OSBPL1A: variants seen among roughly 807,000 people sequenced by gnomAD.
The protein encoded by OSBPL1A is oxysterol-binding protein-related protein 1.
A neutral mutation model predicts 137.1 loss-of-function variants in OSBPL1A; 80 were observed. The observed-to-expected ratio is 0.58, with a 90% CI of 0.49 to 0.70. OSBPL1A has a LOEUF of 0.70. Ranked by LOEUF, OSBPL1A falls within the 30% of genes least tolerant of loss-of-function variation. OSBPL1A has a pLI of 0.00. For synonymous variants in OSBPL1A, 365 were observed against 389.7 expected, an observed-to-expected ratio of 0.94 and a Z score of 0.75; for missense variants, 970 against 1,129.4, an observed-to-expected ratio of 0.86 and a Z score of 2.02.
intron 17 of OSBPL1A, among the ~76,000 whole-genome samples, chr18:24,211,364 A>G (rs1039279251): frequency 1.3e-5 from 2 of 152,228 alleles, no homozygotes; most frequent in African/African-American, 2.4e-5. Flanking sequence ...TTTAAATGTC[A>G]GGATTAAGAA....
At chr18:24,272,165 C>T in intron 15 of OSBPL1A, 1 of 983,774 alleles carries the variant, frequency 1.0e-6, no homozygotes, top group Non-Finnish European at 1.2e-6. Flanking sequence ...GTGAGTGCCG[C>T]GCCGAGGCGC....
Position 24,271,857 on chromosome 18 carries a change from G to A in OSBPL1A, c.1281+8985C>T, listed in dbSNP as rs2089728411. On this transcript the variant is annotated intron_variant, in intron 15 of 27. Coordinates refer to ENST00000319481, the MANE Select transcript of OSBPL1A (RefSeq NM_080597.4). The surrounding 1 kb of genome is among the most constrained non-coding windows in gnomAD (Gnocchi z 4.0). ...CCTTCCCCAGCGAGGTCGGGCAGAGGCGTTGCCCGCCAGCGGCCCAGGACT... is the reference window on the plus strand; with the variant it reads ...CCTTCCCCAGCGAGGTCGGGCAGAGACGTTGCCCGCCAGCGGCCCAGGACT... 1 of 985,204 alleles carries A rather than the reference G, an allele frequency of 1.0e-6. No homozygotes were observed. Among genetic ancestry groups the A allele is most frequent in the Non-Finnish European group, 1.2e-6 (1 of 829,922 alleles). The allele number at this position is 985,204 out of a possible 1,614,324, so 61.0% of individuals were successfully genotyped here. A position where few individuals can be genotyped will look rare whatever the true frequency, so the allele number is the denominator to read the frequency against.
chr18:24,387,959 G>A (rs544041406), intron 1 of OSBPL1A, among the ~76,000 whole-genome samples: 1 of 152,156 alleles, frequency 6.6e-6, no homozygotes, highest in African/African-American at 2.4e-5. Context: ...GGGATGAATC[G>A]ATAGCCAATG....
intron 13 of OSBPL1A, among the ~76,000 whole-genome samples, chr18:24,304,871 C>CT (rs777810713): frequency 6.6e-6 from 1 of 152,148 alleles, no homozygotes; most frequent in Non-Finnish European, 1.5e-5. Context: ...TTTGAGGGCT[C>CT]TAACAACACC....
chr18:24,354,762 AAAAAAAAAAAAG>A (rs981576050), intron 4 of OSBPL1A, among the ~76,000 whole-genome samples: 4 of 151,156 alleles, frequency 2.6e-5, no homozygotes, highest in African/African-American at 9.7e-5. Context: ...AAAAAAAAAA[AAAAAAAAAAAAG>A]AAAGAAAGAA....
chr18:24,387,305 T>A (rs1253559428), intron 1 of OSBPL1A, among the ~76,000 whole-genome samples: 1 of 152,050 alleles, frequency 6.6e-6, no homozygotes. Context: ...TCCACCTGCC[T>A]TGGTCTCCCA....
At chr18:24,177,891 G>T in intron 21 of OSBPL1A, 122 bp downstream of exon 21, 1 of 896,152 alleles carries the variant, frequency 1.1e-6, no homozygotes, top group Non-Finnish European at 1.7e-6. Context: ...TAGACAGTTT[G>T]CACTGTATGA....
chr18:24,376,601 T>C (rs1906162533), intron 2 of OSBPL1A, among the ~76,000 whole-genome samples: 1 of 152,128 alleles, frequency 6.6e-6, no homozygotes, highest in Non-Finnish European at 1.5e-5. Context: ...CCTTGGGTGG[T>C]GGATGGGACT....
intron 14 of OSBPL1A, among the ~76,000 whole-genome samples, chr18:24,297,588 T>C (rs2090316454): frequency 6.6e-6 from 1 of 152,236 alleles, no homozygotes; most frequent in Non-Finnish European, 1.5e-5. Flanking sequence ...TTTGATAACT[T>C]GTGTCACTAC....
chr18:24,346,119 G>C (rs2091341773), intron 4 of OSBPL1A, among the ~76,000 whole-genome samples: 1 of 152,090 alleles, frequency 6.6e-6, no homozygotes, highest in Non-Finnish European at 1.5e-5. Flanking sequence ...CAGCACACGG[G>C]TGAGGGCAAA....
chr18:24,182,326 G>T (rs893111789), intron 18 of OSBPL1A, among the ~76,000 whole-genome samples: 7 of 152,212 alleles, frequency 4.6e-5, no homozygotes, highest in African/African-American at 1.7e-4. Flanking sequence ...ATTCTGGTGA[G>T]ACCTTTACAA....
intron 15 of OSBPL1A, among the ~76,000 whole-genome samples, chr18:24,249,155 G>A (rs1297805680): frequency 6.6e-6 from 1 of 152,118 alleles, no homozygotes. Context: ...CTCATATGAG[G>A]AACTTCCACA....
rs77232958 is a variant in OSBPL1A, at chr18:24,318,783, C to G, written c.652G>C (p.Gly218Arg). Reference protein sequence around the residue: ...NDQKPLDLAQGAEMKHILVGN... With the variant: ...NDQKPLDLAQRAEMKHILVGN... ...ACAAGAATGTGTTTCATTTCAGCAC[C>G]CTGGGCAAGGTCAAGAGGTTTCTGA... Residue 218 changes from glycine to arginine, a missense_variant, in exon 8 of 28, where the codon GGT becomes CGT. Gly to Arg is a moderately radical substitution (Grantham distance 125, BLOSUM62 -2). Transcript: ENST00000319481. The G allele has an allele frequency of 5.0e-6, 8 of 1,613,344 alleles. No individual in the cohort carries two copies. In the South Asian group the frequency reaches 8.8e-5, roughly 18 times the overall value.
chr18:24,367,011 G>A, intron 3 of OSBPL1A, 45 bp from the exon 4 acceptor site: 1 of 1,487,328 alleles, frequency 6.7e-7, no homozygotes, highest in Non-Finnish European at 9.1e-7. Context: ...ATACAATGGT[G>A]AAAATCATTC....
At chr18:24,386,708 C>T (rs1951637969) in intron 1 of OSBPL1A, among the ~76,000 whole-genome samples, 1 of 152,042 alleles carries the variant, frequency 6.6e-6, no homozygotes, top group African/African-American at 2.4e-5. Flanking sequence ...GTTTGTAATC[C>T]CAGCACTTTG....
chr18:24,206,666 A>G (rs1567945054), intron 17 of OSBPL1A, among the ~76,000 whole-genome samples: 1 of 152,178 alleles, frequency 6.6e-6, no homozygotes, highest in Non-Finnish European at 1.5e-5. Context: ...GACTTCGAGC[A>G]TGCTCCTCCA....
At chr18:24,374,126 GAA>G (rs1305407171) in intron 2 of OSBPL1A, among the ~76,000 whole-genome samples, 1 of 152,022 alleles carries the variant, frequency 6.6e-6, no homozygotes, top group African/African-American at 2.4e-5. Flanking sequence ...AGAATGGGGG[GAA>G]ATTTTATACA....
Position 24,312,041 on chromosome 18 carries a change from C to G in OSBPL1A, c.1035G>C (p.Leu345=). Residue 345 remains leucine (L), a synonymous_variant, in exon 13 of 28, where the codon CTG becomes CTC. Transcript: ENST00000319481. ...CCGTATCTTCCTCCTCCTCATCAGT[C>G]AGCTGGTCCTGGGAACAGTAGTGAG... ...YSTHYCSQDQ[L]TDEEEEDTVS... 2 of 1,614,122 alleles carry G rather than the reference C, an allele frequency of 1.2e-6. No homozygotes were observed. Among genetic ancestry groups the G allele is most frequent in the African/African-American group, 1.3e-5 (1 of 75,062 alleles).
At position 24,340,535 on chromosome 18, in the gene OSBPL1A, TGGC is replaced by T. The variant is rs1485880570; in HGVS notation, c.394+1009_394+1011del. ...TAAATAAATAGCGAGCCAGGCACGG[TGGC>T]TCAGGACTATAATCCCAGCACTTTG... is the stretch of plus-strand genomic sequence containing the variant. On this transcript the variant is annotated intron_variant, in intron 5 of 27. Transcript: ENST00000319481. Among the ~76,000 whole-genome samples, 4 of 152,078 alleles carry T rather than the reference TGGC, an allele frequency of 2.6e-5. No individual in the cohort carries two copies. The East Asian group carries it at 5.8e-4, about 22-fold the overall frequency.
Sources: allele counts gnomAD v4.1 joint callset (sites outside exome capture counted in the v4.1 genomes callset), GRCh38; gene constraint gnomAD v4.1.1; non-coding constraint Gnocchi (gnomAD v3.1); transcripts MANE v1.5; gene names NCBI Gene and HGNC (gene_info 2026-07-23, HGNC 2026-07-21).